Variants in SELENOF observed in about 807,000 individuals in gnomAD.
SELENOF encodes selenoprotein F.
In SELENOF, 16 loss-of-function variants were observed where a neutral mutation model predicts 20.5. That is an observed-to-expected ratio of 0.78 (90% CI 0.53 to 1.19). SELENOF has a LOEUF of 1.19. Among genes scored for constraint, SELENOF ranks in the 50% most tolerant of loss-of-function variants. The probability of loss-of-function intolerance (pLI) is 0.00; values close to 1 mark genes in which losing one functional copy is unlikely to be tolerated. For synonymous variants in SELENOF, 78 were observed against 74.5 expected (o/e 1.05, Z -0.24); for missense variants, 215 against 194.2 (o/e 1.11, Z -0.64).
rs545664171 is a variant in SELENOF, at chr1:86,901,424, TAA to T, written c.252+1855_252+1856del. ...TATGTTTTGGTTTCACTAGTCTTACTAAAAAAAAAAAAAAAATTCACCAGTTT... is the reference window on the plus strand; with the variant it reads ...TATGTTTTGGTTTCACTAGTCTTACTAAAAAAAAAAAAAATTCACCAGTTT... On this transcript the variant is annotated intron_variant, in intron 2 of 4. Transcript: ENST00000331835. 3.5e-3 allele frequency among the ~76,000 whole-genome samples: 454 copies of T among 128,314 alleles called. 3 individuals carry two copies. The highest frequency in any genetic ancestry group is 0.012 in the African/African-American group (432 of 35,146). 84.2% of individuals were successfully genotyped at this position (128,314 alleles called of 152,430 possible).
At chr1:86,909,166 T>G (rs1195707889) in intron 1 of SELENOF, among the ~76,000 whole-genome samples, 1 of 152,262 alleles carries the variant, frequency 6.6e-6, no homozygotes, top group Non-Finnish European at 1.5e-5. Context: ...ATTTCACTAC[T>G]GCCAACTACT....
intron 3 of SELENOF, among the ~76,000 whole-genome samples, chr1:86,871,418 T>A (rs1394142717): frequency 6.6e-6 from 1 of 152,174 alleles, no homozygotes; most frequent in Non-Finnish European, 1.5e-5. Context: ...TCTTTTGACA[T>A]AATACTAAAG....
At chr1:86,880,016 T>A (rs1006671441) in intron 3 of SELENOF, among the ~76,000 whole-genome samples, 6 of 149,444 alleles carry the variant, frequency 4.0e-5, no homozygotes, top group African/African-American at 1.3e-4. Flanking sequence ...TACAGCGGTG[T>A]GCTACTTAAA....
At chr1:86,878,727 A>T (rs898963164) in intron 3 of SELENOF, among the ~76,000 whole-genome samples, 2 of 152,124 alleles carry the variant, frequency 1.3e-5, no homozygotes, top group African/African-American at 2.4e-5. Context: ...CATGAAAGTT[A>T]GTTTGGTATT....
Position 86,914,051 on chromosome 1 carries a change from A to T in SELENOF, c.61T>A (p.Leu21Met). 1 of 1,613,940 alleles carries T rather than the reference A, an allele frequency of 6.2e-7. No individual in the cohort carries two copies. The highest frequency in any genetic ancestry group is 8.5e-7 in the Non-Finnish European group (1 of 1,179,872). The change falls in exon 1 of 5, where the codon TTG becomes ATG. Residue 21 changes from leucine (L) to methionine (M), a missense_variant. Transcript: ENST00000331835. ...ACCGCTTGAAGCACAGTCGCCAACA[A>T]CAACCGTAGCCCAAACGCCGGCACC... ...CLVPAFGLRL[L>M]LATVLQAVSA...
At chr1:86,865,170 C>T (rs1658560596) in intron 4 of SELENOF, among the ~76,000 whole-genome samples, 3 of 151,990 alleles carry the variant, frequency 2.0e-5, no homozygotes, top group East Asian at 3.8e-4. Flanking sequence ...TGATAAAGAA[C>T]TTGTATTCAA....
chr1:86,902,418 C>G (rs1156654148), intron 2 of SELENOF, among the ~76,000 whole-genome samples: 1 of 152,170 alleles, frequency 6.6e-6, no homozygotes, highest in African/African-American at 2.4e-5. Context: ...AATGCACTTA[C>G]TGTTAAAAAC....
At chr1:86,882,247 CA>C (rs61037512) in intron 2 of SELENOF, among the ~76,000 whole-genome samples, 184 of 61,868 alleles carry the variant, frequency 3.0e-3, no homozygotes, top group South Asian at 5.8e-3. Flanking sequence ...GACTCTGTCT[CA>C]AAAAAAAAAA....
At chr1:86,901,424 TA>T (rs545664171) in intron 2 of SELENOF, among the ~76,000 whole-genome samples, 2,502 of 128,070 alleles carry the variant, frequency 0.02, 36 homozygotes, top group African/African-American at 0.05. Context: ...CTAGTCTTAC[TA>T]AAAAAAAAAA....
intron 1 of SELENOF, among the ~76,000 whole-genome samples, chr1:86,910,925 AT>A (rs1455041385): frequency 1.3e-5 from 2 of 152,282 alleles, no homozygotes; most frequent in East Asian, 3.9e-4. Flanking sequence ...TTCCAAACAG[AT>A]TTCATACTTC....
chr1:86,882,247 C>CAAAA (rs61037512), intron 2 of SELENOF, among the ~76,000 whole-genome samples: 1,029 of 59,770 alleles, frequency 0.017, no homozygotes, highest in East Asian at 0.047. Flanking sequence ...GACTCTGTCT[C>CAAAA]AAAAAAAAAA....
intron 2 of SELENOF, among the ~76,000 whole-genome samples, chr1:86,881,873 A>C (rs1282728320): frequency 1.3e-5 from 2 of 152,144 alleles, no homozygotes; most frequent in East Asian, 3.8e-4. Context: ...CTCTGAAACC[A>C]ATGATGGATT....
chr1:86,908,140 A>C (rs1441435252), intron 1 of SELENOF, among the ~76,000 whole-genome samples: 2 of 152,180 alleles, frequency 1.3e-5, no homozygotes, highest in African/African-American at 4.8e-5. Flanking sequence ...TTACCTTAAA[A>C]ATCTGATCTA....
chr1:86,913,254 G>T lies in SELENOF; in HGVS notation c.84+774C>A, dbSNP rs1660035195. Among the ~76,000 whole-genome samples, 3 of 152,104 alleles carry T rather than the reference G, an allele frequency of 2.0e-5. No individual in the cohort carries two copies. In the South Asian group the frequency reaches 6.2e-4, roughly 31 times the overall value. On this transcript the variant is annotated intron_variant, in intron 1 of 4. Transcript: ENST00000331835. ...AAGAATTAAGCTAGGATAAAAAAAC[G>T]TAAAAGCTTTCAGCACTGTGCCTAA... is the stretch of plus-strand genomic sequence containing the variant.
chr1:86,893,801 AATG>A (rs1659450594), intron 2 of SELENOF, among the ~76,000 whole-genome samples: 1 of 152,164 alleles, frequency 6.6e-6, no homozygotes, highest in African/African-American at 2.4e-5. Context: ...CATATAAAAA[AATG>A]ATAATGCTAC....
rs547966079 is a variant in SELENOF, at chr1:86,866,723, A to AT, written c.366+1329dup. Among the ~76,000 whole-genome samples, 54 of 152,346 alleles carry AT rather than the reference A, an allele frequency of 3.5e-4. No homozygotes were observed. In the South Asian group the frequency reaches 0.011, roughly 30 times the overall value. On this transcript the variant is annotated intron_variant, in intron 4 of 4. Coordinates refer to ENST00000331835, the MANE Select transcript of SELENOF (RefSeq NM_004261.5). ...TGAAAAGATATTCAAATCATGTATC[A>AT]TTAGGGAATTGCAAATTAAAATAAC...
chr1:86,876,848 G>A (rs1441865171), intron 3 of SELENOF, among the ~76,000 whole-genome samples: 53 of 152,196 alleles, frequency 3.5e-4, no homozygotes, highest in Admixed American at 3.5e-3. Flanking sequence ...CAAAGGCTAG[G>A]GCCAAGTAAG....
At position 86,893,087 on chromosome 1, in the gene SELENOF, C is replaced by T. The variant is rs542657012; in HGVS notation, c.252+10194G>A. Among the ~76,000 whole-genome samples the T allele has an allele frequency of 5.3e-5, 8 of 152,208 alleles. No individual in the cohort carries two copies. In the East Asian group the frequency reaches 9.6e-4, roughly 18 times the overall value. ...GTTTTGGCATCTAATCGCCAGTTAACGGTAGGCAGATTATACCCTAGTTTC... is the reference window on the plus strand; with the variant it reads ...GTTTTGGCATCTAATCGCCAGTTAATGGTAGGCAGATTATACCCTAGTTTC... On this transcript the variant is annotated intron_variant, in intron 2 of 4. Transcript: ENST00000331835.
At chr1:86,907,985 T>TCAAAAAAAAAAA (rs1159406894) in intron 1 of SELENOF, among the ~76,000 whole-genome samples, 3 of 135,888 alleles carry the variant, frequency 2.2e-5, no homozygotes, top group Non-Finnish European at 4.6e-5. Flanking sequence ...AATCGCCATC[T>TCAAAAAAAAAAA]CAAAAAAAAA....
Sources: gnomAD v4.1 joint callset for allele counts (sites outside exome capture counted in the v4.1 genomes callset) on GRCh38, gnomAD v4.1.1 for gene constraint, MANE v1.5 for transcripts, NCBI Gene and HGNC (gene_info 2026-07-23, HGNC 2026-07-21) for gene names.